Variants in PICK1 observed in about 807,000 individuals in gnomAD.
The protein encoded by PICK1 is protein interacting with PRKCA 1, also known as PRKCA-binding protein.
PICK1 carries 23 observed loss-of-function variants against 48.9 expected under a neutral mutation model. The observed-to-expected ratio is 0.47, with a 90% CI of 0.34 to 0.67. PICK1 has a LOEUF of 0.67. Ranked by LOEUF, PICK1 falls within the 30% of genes least tolerant of loss-of-function variation. PICK1 has a pLI of 0.01. For synonymous variants in PICK1, 217 were observed against 228.2 expected (o/e 0.95, Z 0.44); for missense variants, 423 against 557.1 (o/e 0.76, Z 2.42).
chr22:38,058,780 G>A (rs1428016753), intron 2 of PICK1, among the ~76,000 whole-genome samples: 4 of 152,104 alleles, frequency 2.6e-5, no homozygotes, highest in South Asian at 2.1e-4. Context: ...TGAGGCAGGC[G>A]GATCAACTGA....
At chr22:38,068,846 C>A (rs2085599727) in intron 5 of PICK1, among the ~76,000 whole-genome samples, 187 bp from the exon 6 acceptor site, 1 of 152,210 alleles carries the variant, frequency 6.6e-6, no homozygotes, top group Non-Finnish European at 1.5e-5. Context: ...GCTGCCAGCA[C>A]CTCTGTGAAG....
chr22:38,067,659 G>A (rs778329969), intron 4 of PICK1, 45 bp from the exon 5 acceptor site: 2 of 1,553,700 alleles, frequency 1.3e-6, no homozygotes, highest in Non-Finnish European at 1.8e-6. Context: ...AAGGGGCTCA[G>A]GGTGTGGAGC....
intron 3 of PICK1, among the ~76,000 whole-genome samples, chr22:38,062,308 C>T (rs936645171): frequency 1.3e-5 from 2 of 149,042 alleles, no homozygotes; most frequent in East Asian, 2.0e-4. Flanking sequence ...AGTGCAATGG[C>T]GTGATCTTGG....
intron 3 of PICK1, among the ~76,000 whole-genome samples, chr22:38,060,171 A>G (rs6000989): frequency 0.054 from 8,193 of 152,318 alleles, 364 homozygotes; most frequent in African/African-American, 0.11. Context: ...AGATCACGCC[A>G]CTGCATTCCG....
rs1251415409 is a variant in PICK1, at chr22:38,066,632, C to T, written c.283-1072C>T. ...CGCTTGCCGTTGGCCTACAGCTGCT[C>T]CCTGTGGGGTGGCCCCTGAGCACGC... is the stretch of plus-strand genomic sequence containing the variant. On this transcript the variant is annotated intron_variant, in intron 4 of 12. Transcript: ENST00000356976. This position sits in a 1 kb window ranked among gnomAD's most constrained non-coding sequence, Gnocchi z 4.1. 6.6e-6 allele frequency among the ~76,000 whole-genome samples: 1 copy of T among 152,240 alleles called. No homozygotes were observed. Among genetic ancestry groups the T allele is most frequent in the Non-Finnish European group, 1.5e-5 (1 of 68,046 alleles).
intron 3 of PICK1, among the ~76,000 whole-genome samples, chr22:38,064,133 C>G (rs2085469386): frequency 6.6e-6 from 1 of 152,058 alleles, no homozygotes; most frequent in Non-Finnish European, 1.5e-5. Flanking sequence ...TCTCGGCTTA[C>G]TACAACCTCC....
chr22:38,074,531 A>T lies in PICK1; in HGVS notation c.979+80A>T. The T allele has an allele frequency of 6.5e-7, 1 of 1,548,436 alleles. No individual in the cohort carries two copies. The highest frequency in any genetic ancestry group is 8.8e-7 in the Non-Finnish European group (1 of 1,134,612). ...GGCCCAGAGGGGTACTCTCAGGGCC[A>T]GGCCACGGCCCAGATGTAAAGCCCC... On this transcript the variant is annotated intron_variant, in intron 12 of 12. Coordinates refer to ENST00000356976, the MANE Select transcript of PICK1 (RefSeq NM_012407.4). The surrounding 1 kb of genome is among the most constrained non-coding windows in gnomAD (Gnocchi z 4.5).
At chr22:38,064,980 C>T in intron 3 of PICK1, 22 bp from the exon 4 acceptor site, 1 of 1,613,624 alleles carries the variant, frequency 6.2e-7, no homozygotes, top group South Asian at 1.1e-5. Context: ...CTTCCCCCAC[C>T]ACTCTCCTTA....
chr22:38,060,112 G>A lies in PICK1; in HGVS notation c.153+767G>A, dbSNP rs59590234. 3.8e-3 allele frequency among the ~76,000 whole-genome samples: 584 copies of A among 152,346 alleles called. 3 individuals carry two copies. The highest frequency in any genetic ancestry group is 0.013 in the African/African-American group (550 of 41,580). On this transcript the variant is annotated intron_variant, in intron 3 of 12. Transcript: ENST00000356976. The stretch of plus-strand genomic sequence containing the variant: ...TGTACTTCCAGCTACTTGGGAGGCT[G>A]AAGTAGGAGAATCGCTTGAACCTGG...
chr22:38,073,181 G>C lies in PICK1; in HGVS notation c.783+89G>C, dbSNP rs944573250. ...AGTCAGCCATGCTGCGGCCAGCGAG[G>C]CCAGCCAGAGCTGACAGCATGTCTG... On this transcript the variant is annotated intron_variant, in intron 10 of 12. Transcript: ENST00000356976. The surrounding 1 kb of genome is among the most constrained non-coding windows in gnomAD (Gnocchi z 5.7). 1.2e-5 allele frequency: 11 copies of C among 881,000 alleles called. No homozygotes were observed. The highest frequency in any genetic ancestry group is 5.3e-5 in the Admixed American group (3 of 56,444). 54.6% of individuals were successfully genotyped at this position (881,000 alleles called of 1,614,324 possible). A position where few individuals can be genotyped will look rare whatever the true frequency, so the allele number is the denominator to read the frequency against.
Position 38,074,626 on chromosome 22 carries a change from G to A in PICK1, c.979+175G>A, listed in dbSNP as rs2085789578. Among the ~76,000 whole-genome samples, 1 of 152,226 alleles carries A rather than the reference G, an allele frequency of 6.6e-6. No individual in the cohort carries two copies. Among genetic ancestry groups the A allele is most frequent in the Non-Finnish European group, 1.5e-5 (1 of 68,028 alleles). On this transcript the variant is annotated intron_variant, in intron 12 of 12. Coordinates refer to ENST00000356976, the MANE Select transcript of PICK1 (RefSeq NM_012407.4). The surrounding 1 kb of genome is among the most constrained non-coding windows in gnomAD (Gnocchi z 4.5). ...TGGCCTGTGCGCGTGGGCTCCGTGG[G>A]CTGCCATCCATGATCCATTTACCCT...
Position 38,066,346 on chromosome 22 carries a change from G to A in PICK1, c.282+1216G>A, listed in dbSNP as rs1051376689. On this transcript the variant is annotated intron_variant, in intron 4 of 12. Coordinates refer to ENST00000356976, the MANE Select transcript of PICK1 (RefSeq NM_012407.4). This position sits in a 1 kb window ranked among gnomAD's most constrained non-coding sequence, Gnocchi z 4.1. ...CCATTTGGCAGCCCTTCCCCCCTCCGCATCTCCTCCCCATCTCCACTCGCC... is the reference window on the plus strand; with the variant it reads ...CCATTTGGCAGCCCTTCCCCCCTCCACATCTCCTCCCCATCTCCACTCGCC... Among the ~76,000 whole-genome samples the A allele has an allele frequency of 2.6e-5, 4 of 152,102 alleles. No individual in the cohort carries two copies. The highest frequency in any genetic ancestry group is 7.2e-5 in the African/African-American group (3 of 41,396).
At position 38,074,252 on chromosome 22, in the gene PICK1, C is replaced by T. The variant is rs1361409415; in HGVS notation, c.835-55C>T. The T allele has an allele frequency of 1.3e-6, 2 of 1,598,374 alleles. No individual in the cohort carries two copies. Among genetic ancestry groups the T allele is most frequent in the African/African-American group, 1.3e-5 (1 of 74,676 alleles). On this transcript the variant is annotated intron_variant, in intron 11 of 12. Transcript: ENST00000356976. The surrounding 1 kb of genome is among the most constrained non-coding windows in gnomAD (Gnocchi z 4.5). ...AAGAACAGCCGTGGCTTTGAAAGCA[C>T]AGTGCGGTGCGAGGCCGTCCCTGAG...
rs778296751 is a variant in PICK1, at chr22:38,057,576, C to T, written c.-69C>T. On this transcript the variant is annotated 5_prime_UTR_variant, in exon 1 of 13. Coordinates refer to ENST00000356976, the MANE Select transcript of PICK1 (RefSeq NM_012407.4). ...GCCTATCGCCCTGGCCTGGAGCCCC[C>T]CTTTGTACCTAGTAAGAATCACCTA... The T allele has an allele frequency of 5.6e-5, 33 of 591,694 alleles. No homozygotes were observed. Among genetic ancestry groups the T allele is most frequent in the Non-Finnish European group, 8.5e-5 (28 of 330,598 alleles). 36.7% of individuals were successfully genotyped at this position (591,694 alleles called of 1,614,324 possible).
At chr22:38,062,053 A>G (rs958384024) in intron 3 of PICK1, among the ~76,000 whole-genome samples, 1 of 152,194 alleles carries the variant, frequency 6.6e-6, no homozygotes, top group African/African-American at 2.4e-5. Context: ...ATAAAAGAAT[A>G]AGAAAGCAAA....
At chr22:38,060,751 ATT>A (rs10639701) in intron 3 of PICK1, among the ~76,000 whole-genome samples, 2 of 142,196 alleles carry the variant, frequency 1.4e-5, no homozygotes, top group Non-Finnish European at 1.5e-5. Context: ...AGTATAATTG[ATT>A]TTTTTTTTTT....
At chr22:38,070,301 T>C (rs1325224766) in intron 6 of PICK1, among the ~76,000 whole-genome samples, 1 of 152,260 alleles carries the variant, frequency 6.6e-6, no homozygotes, top group Non-Finnish European at 1.5e-5. Flanking sequence ...CTGCTGGGCT[T>C]TCAGCCTTGA....
chr22:38,073,978 G>A lies in PICK1; in HGVS notation c.834+155G>A, dbSNP rs1363469170. The A allele has an allele frequency of 2.6e-6, 2 of 767,848 alleles. No homozygotes were observed. The highest frequency in any genetic ancestry group is 1.7e-5 in the African/African-American group (1 of 58,394). 47.6% of individuals were successfully genotyped at this position (767,848 alleles called of 1,614,324 possible). Reference sequence around the variant, plus strand: ...CCATCTTCCCAGTCCCGCTCGCTGGGCCTCGGGGTGCTGGGCACCCGGCCG... The same window carrying A: ...CCATCTTCCCAGTCCCGCTCGCTGGACCTCGGGGTGCTGGGCACCCGGCCG... On this transcript the variant is annotated intron_variant, in intron 11 of 12. Coordinates refer to ENST00000356976, the MANE Select transcript of PICK1 (RefSeq NM_012407.4). This position sits in a 1 kb window ranked among gnomAD's most constrained non-coding sequence, Gnocchi z 5.7.
chr22:38,071,542 T>C (rs1346807555), intron 7 of PICK1, 140 bp from the exon 8 acceptor site: 4 of 802,066 alleles, frequency 5.0e-6, no homozygotes, highest in East Asian at 4.9e-5. Flanking sequence ...ACCCCTGGGC[T>C]GTGGTTGGGC....
Sources: allele counts gnomAD v4.1 joint callset (sites outside exome capture counted in the v4.1 genomes callset), GRCh38; gene constraint gnomAD v4.1.1; non-coding constraint Gnocchi (gnomAD v3.1); transcripts MANE v1.5; gene names NCBI Gene and HGNC (gene_info 2026-07-23, HGNC 2026-07-21).